Variants in VCF1 observed in about 807,000 individuals in gnomAD.
VCF1 encodes VCP nuclear cofactor family member 1, also known as protein VCF1.
At chr17:73,221,895 G>A in the VCF1 span, among the ~76,000 whole-genome samples, 11 of 152,152 alleles carry the variant, frequency 7.2e-5, no homozygotes, top group Non-Finnish European at 1.6e-4. Context: ...TTAGCTGGGC[G>A]TGGTGGCGGT....
the VCF1 span, among the ~76,000 whole-genome samples, chr17:73,225,820 C>T: frequency 6.9e-6 from 1 of 145,680 alleles, no homozygotes; most frequent in Non-Finnish European, 1.5e-5. Context: ...AATTACCTTT[C>T]TGATAATCAT....
At chr17:73,208,048 T>G in the VCF1 span, 1 of 1,370,854 alleles carries the variant, frequency 7.3e-7, no homozygotes, top group Non-Finnish European at 9.4e-7. Context: ...CCACATTAGG[T>G]TAGCAGGCTG....
At chr17:73,211,859 AAAAAC>A in the VCF1 span, among the ~76,000 whole-genome samples, 1 of 152,122 alleles carries the variant, frequency 6.6e-6, no homozygotes, top group Non-Finnish European at 1.5e-5. Flanking sequence ...ACTCCATCTC[AAAAAC>A]AAAACAAAAC....
the VCF1 span, among the ~76,000 whole-genome samples, chr17:73,224,039 A>T: frequency 1.4e-4 from 20 of 140,032 alleles, no homozygotes; most frequent in Non-Finnish European, 2.1e-4. Context: ...GGAGGGAGAA[A>T]GGAAGAGAGG....
the VCF1 span, chr17:73,208,608 G>A: frequency 7.6e-6 from 7 of 915,612 alleles, no homozygotes; most frequent in African/African-American, 6.5e-5. Context: ...TAAGCATCAA[G>A]TTAATCCTTG....
At chr17:73,232,156 G>C in the VCF1 span, 3 of 1,610,186 alleles carry the variant, frequency 1.9e-6, no homozygotes, top group South Asian at 3.3e-5. Context: ...CGAAGAGAGG[G>C]AACAGAGGGG....
chr17:73,212,253 CA>C, the VCF1 span, among the ~76,000 whole-genome samples: 409 of 152,200 alleles, frequency 2.7e-3, 3 homozygotes, highest in African/African-American at 9.5e-3. Context: ...CCAAAAATTA[CA>C]TCCAATAATA....
the VCF1 span, among the ~76,000 whole-genome samples, chr17:73,213,704 T>C: frequency 6.6e-6 from 1 of 152,166 alleles, no homozygotes; most frequent in African/African-American, 2.4e-5. Flanking sequence ...GCATGGTGGC[T>C]CACACCTGTA....
the VCF1 span, among the ~76,000 whole-genome samples, chr17:73,213,575 G>T: frequency 6.6e-6 from 1 of 152,118 alleles, no homozygotes; most frequent in Non-Finnish European, 1.5e-5. Flanking sequence ...AAATATTTAC[G>T]ATTTGGATCT....
the VCF1 span, among the ~76,000 whole-genome samples, chr17:73,225,746 G>A: frequency 6.6e-6 from 1 of 151,180 alleles, no homozygotes; most frequent in East Asian, 1.9e-4. Flanking sequence ...AGATATTCAT[G>A]GTAGCCTCTA....
the VCF1 span, among the ~76,000 whole-genome samples, chr17:73,215,356 C>G: frequency 7.2e-5 from 11 of 152,224 alleles, no homozygotes; most frequent in Non-Finnish European, 1.2e-4. Flanking sequence ...GATTACAACT[C>G]ACTGAAGCCT....
the VCF1 span, chr17:73,209,587 T>C: frequency 5.0e-6 from 8 of 1,584,394 alleles, no homozygotes; most frequent in Non-Finnish European, 6.9e-6. Context: ...CCTCAGGGTC[T>C]GGTTGATGTG....
chr17:73,207,689 C>T, the VCF1 span: 17 of 1,292,970 alleles, frequency 1.3e-5, no homozygotes, highest in Middle Eastern at 2.1e-4. Context: ...TGTTAATACA[C>T]GTTTCATTTC....
chr17:73,208,820 A>G, the VCF1 span: 4 of 345,916 alleles, frequency 1.2e-5, no homozygotes, highest in African/African-American at 4.3e-5. Flanking sequence ...GTTTCCTACT[A>G]AAGTCTGAGG....
At chr17:73,227,257 T>C in the VCF1 span, 2 of 1,551,740 alleles carry the variant, frequency 1.3e-6, no homozygotes, top group Non-Finnish European at 1.7e-6. Context: ...CCATTCCTTC[T>C]CCTTTTCCTG....
chr17:73,221,232 G>A, the VCF1 span, among the ~76,000 whole-genome samples: 37,848 of 151,342 alleles, frequency 0.25, 5,693 homozygotes, highest in Admixed American at 0.31. Flanking sequence ...TCCTAAGGAT[G>A]AGAAGATACT....
At chr17:73,225,877 T>TA in the VCF1 span, among the ~76,000 whole-genome samples, 61 of 98,902 alleles carry the variant, frequency 6.2e-4, no homozygotes, top group African/African-American at 2.3e-3. Context: ...AATATATATA[T>TA]ATATAATATA....
the VCF1 span, among the ~76,000 whole-genome samples, chr17:73,216,499 G>A: frequency 6.6e-6 from 1 of 152,264 alleles, no homozygotes. Context: ...GAGGGAGAAG[G>A]CACACAGGAA....
the VCF1 span, among the ~76,000 whole-genome samples, chr17:73,225,959 C>T: frequency 9.5e-4 from 134 of 140,644 alleles, 2 homozygotes; most frequent in African/African-American, 3.4e-3. Context: ...TGGAGTAAAA[C>T]GGCACGATCT....
Sources: gnomAD v4.1 joint callset for allele counts (sites outside exome capture counted in the v4.1 genomes callset) on GRCh38, gnomAD v4.1.1 for gene constraint, MANE v1.5 for transcripts, NCBI Gene and HGNC (gene_info 2026-07-23, HGNC 2026-07-21) for gene names.